Variants in GPR89B observed in about 807,000 individuals in gnomAD.
GPR89B encodes the protein G protein-coupled receptor 89B.
In GPR89B, 25 loss-of-function variants were observed where a neutral mutation model predicts 52.4. The ratio of observed to expected loss-of-function variants is 0.48; its 90% confidence interval spans 0.35 to 0.67. The LOEUF is 0.67. Among genes scored for constraint, GPR89B ranks in the 30% least tolerant of loss-of-function variants. The pLI is 0.01. For synonymous variants in GPR89B, 52 were observed against 151.2 expected (o/e 0.34, Z 4.81); for missense variants, 146 against 450.2 (o/e 0.32, Z 6.11).
intron 1 of GPR89B, among the ~76,000 whole-genome samples, chr1:147,936,034 T>C (rs587756535): frequency 1.3e-5 from 2 of 152,404 alleles, no homozygotes; most frequent in African/African-American, 4.8e-5. Context: ...TCTTTTTTTT[T>C]CGAGACCTAG....
At chr1:148,007,055 A>G in the GPR89B span, among the ~76,000 whole-genome samples, 1 of 149,710 alleles carries the variant, frequency 6.7e-6, no homozygotes, top group Non-Finnish European at 1.5e-5. Flanking sequence ...AACTGCCAGC[A>G]TCACTATCGT....
intron 7 of GPR89B, among the ~76,000 whole-genome samples, chr1:147,954,776 T>A (rs1490732446): frequency 6.6e-6 from 1 of 152,248 alleles, no homozygotes; most frequent in Non-Finnish European, 1.5e-5. Flanking sequence ...ATTATTAGAA[T>A]TTTTTTGTTT....
At chr1:147,980,061 G>C (rs1315682409) in intron 10 of GPR89B, among the ~76,000 whole-genome samples, 2 of 150,054 alleles carry the variant, frequency 1.3e-5, no homozygotes, top group African/African-American at 4.9e-5. Context: ...ACTCCAGCTT[G>C]AATGACAGAG....
rs1426621788 is a variant in GPR89B at position 147,936,362 on chromosome 1, A to G, written c.43-265A>G. Among the ~76,000 whole-genome samples the G allele has an allele frequency of 2.0e-5, 3 of 152,330 alleles. No homozygotes were observed. In the East Asian group the frequency reaches 5.8e-4, roughly 29 times the overall value. ...TTCTCTGGCTCATATAATGATTATC[A>G]TAAGATTATGGCAAAATATGTACTT... is the stretch of plus-strand genomic sequence containing the variant. On this transcript the variant is annotated intron_variant, in intron 1 of 13. Coordinates refer to ENST00000314163, the MANE Select transcript of GPR89B (RefSeq NM_016334.5).
chr1:148,011,132 C>A, the GPR89B span: 12 of 152,152 alleles, frequency 7.9e-5, no homozygotes, highest in Non-Finnish European at 1.5e-4. Flanking sequence ...CCAAAGCAGG[C>A]CTTCTTACCC....
intron 3 of GPR89B, 106 bp from the exon 4 acceptor site, chr1:147,943,332 T>C: frequency 6.4e-7 from 1 of 1,556,872 alleles, no homozygotes; most frequent in Non-Finnish European, 8.7e-7. Context: ...AGATAGGATA[T>C]ATTCAATATT....
At chr1:147,968,210 T>C (rs1181585374) in intron 8 of GPR89B, 5 of 452,786 alleles carry the variant, frequency 1.1e-5, no homozygotes, top group African/African-American at 1.0e-4. Context: ...CTCTACCTGA[T>C]TGAGTTCTTG....
At chr1:147,997,030 A>G (rs1659330064), downstream of GPR89B, among the ~76,000 whole-genome samples, 2 of 152,154 alleles carry the variant, frequency 1.3e-5, no homozygotes, top group Non-Finnish European at 2.9e-5. Flanking sequence ...AGTCTAAAAA[A>G]TTGCTAGTTT....
the GPR89B span, chr1:148,009,272 G>A: frequency 8.1e-6 from 12 of 1,473,242 alleles, no homozygotes; most frequent in African/African-American, 1.1e-4. Flanking sequence ...TTAACCAGTA[G>A]CATCTTTGTT....
chr1:147,968,307 T>G, intron 8 of GPR89B: 1 of 453,888 alleles, frequency 2.2e-6, no homozygotes, highest in Non-Finnish European at 4.4e-6. Context: ...TGTGTGACTT[T>G]GAGCAAGTTA....
At chr1:147,933,615 G>A (rs1653832018) in intron 1 of GPR89B, among the ~76,000 whole-genome samples, 1 of 151,142 alleles carries the variant, frequency 6.6e-6, no homozygotes, top group Non-Finnish European at 1.5e-5. Context: ...TCTTTCTCCA[G>A]TATTCTTTAT....
At chr1:148,018,427 A>G in the GPR89B span, among the ~76,000 whole-genome samples, 1 of 149,964 alleles carries the variant, frequency 6.7e-6, no homozygotes, top group Admixed American at 6.6e-5. Flanking sequence ...TCAAAAAAAA[A>G]AAAAAGAAAG....
chr1:147,933,712 C>A (rs1201123819), intron 1 of GPR89B, among the ~76,000 whole-genome samples: 3 of 151,306 alleles, frequency 2.0e-5, no homozygotes, highest in Admixed American at 6.6e-5. Context: ...CTAAATAGTT[C>A]TCAAATCTGT....
At chr1:147,949,903 G>A (rs1655448097) in intron 5 of GPR89B, among the ~76,000 whole-genome samples, 2 of 129,614 alleles carry the variant, frequency 1.5e-5, no homozygotes, top group African/African-American at 6.3e-5. Context: ...CTCCCGGACG[G>A]GGCGGCTGGC....
chr1:147,948,719 A>T (rs1655217191), intron 5 of GPR89B, among the ~76,000 whole-genome samples: 1 of 151,992 alleles, frequency 6.6e-6, no homozygotes, highest in Non-Finnish European at 1.5e-5. Flanking sequence ...GGGAAAACAT[A>T]GGGAAATGGT....
chr1:147,932,553 C>G (rs587671799), intron 1 of GPR89B, among the ~76,000 whole-genome samples: 4 of 152,250 alleles, frequency 2.6e-5, no homozygotes, highest in African/African-American at 9.6e-5. Context: ...CTTTGTCACT[C>G]TCCTCAAAGC....
At chr1:147,958,274 G>A (rs1656273737) in intron 7 of GPR89B, among the ~76,000 whole-genome samples, 1 of 151,982 alleles carries the variant, frequency 6.6e-6, no homozygotes, top group African/African-American at 2.4e-5. Flanking sequence ...TTATTCAAAA[G>A]TGAAAGATTT....
the GPR89B span, among the ~76,000 whole-genome samples, chr1:148,013,846 C>A: frequency 1.5e-4 from 23 of 151,976 alleles, no homozygotes; most frequent in Admixed American, 1.5e-3. Flanking sequence ...CCTTGCTGTC[C>A]CAAGGACGGC....
At position 147,986,300 on chromosome 1, in the gene GPR89B, T is replaced by G; in HGVS notation, c.1005+6T>G. The stretch of plus-strand genomic sequence containing the variant: ...ATCTGGGAATCCAATTTGATGTAAG[T>G]GTTATATCAAGATCCTGGTTTGTCA... On this transcript the variant is annotated splice_donor_region_variant and intron_variant, in intron 11 of 13. Transcript: ENST00000314163. 6.2e-7 allele frequency: 1 copy of G among 1,610,806 alleles called. No homozygotes were observed.
Sources: gnomAD v4.1 joint callset for allele counts (sites outside exome capture counted in the v4.1 genomes callset) on GRCh38, gnomAD v4.1.1 for gene constraint, MANE v1.5 for transcripts, NCBI Gene and HGNC (gene_info 2026-07-23, HGNC 2026-07-21) for gene names.